Variants in LRRC7 observed in about 807,000 individuals in gnomAD.
LRRC7 encodes the protein leucine-rich repeat-containing protein 7.
A neutral mutation model predicts 175.7 loss-of-function variants in LRRC7; 23 were observed. That is an observed-to-expected ratio of 0.13 (90% CI 0.09 to 0.19). The LOEUF (loss-of-function observed/expected upper bound fraction) is 0.19, where lower values mean the gene tolerates loss of function less well. Ranked by LOEUF, LRRC7 falls within the 10% of genes least tolerant of loss-of-function variation. LRRC7 has a pLI of 1.00. For missense variants in LRRC7, 1,354 were observed against 1,904.7 expected (o/e 0.71, Z 5.38); for synonymous variants, 685 against 680.9 (o/e 1.01, Z -0.09).
rs1005802777 is a variant in LRRC7, at chr1:69,717,844, A to G, written c.100+39366A>G. Among the ~76,000 whole-genome samples, 57 of 44,508 alleles carry G rather than the reference A, an allele frequency of 1.3e-3. 1 individual carries two copies. The East Asian group carries it at 0.016, about 13-fold the overall frequency. The allele number at this position is 44,508 out of a possible 152,430, so 29.2% of individuals were successfully genotyped here. A position where few individuals can be genotyped will look rare whatever the true frequency, so the allele number is the denominator to read the frequency against. ...AAAGAAAGAAAGAAAGAAAGAAAAA[A>G]GAAAGAAAGGAAAGAAAGAAAGAAA... On this transcript the variant is annotated intron_variant, in intron 2 of 26. Transcript: ENST00000651989.
rs1248300608 is a variant in LRRC7 at position 69,737,797 on chromosome 1, C to T, written c.101-22394C>T. Among the ~76,000 whole-genome samples the T allele has an allele frequency of 9.2e-5, 14 of 152,176 alleles. 2 individuals are homozygous for T. The South Asian group carries it at 2.9e-3, about 31-fold the overall frequency. On this transcript the variant is annotated intron_variant, in intron 2 of 26. Transcript: ENST00000651989. ...TGCCATCTTGTGGTTGTGTCTTTTC[C>T]TTGATTGGCTCCAAAATCCTTGAAC...
intron 3 of LRRC7, among the ~76,000 whole-genome samples, chr1:69,782,795 C>G (rs1010790120): frequency 3.9e-5 from 6 of 152,070 alleles, no homozygotes; most frequent in African/African-American, 1.4e-4. Flanking sequence ...TTCTCAGTGG[C>G]CATTAACCTA....
intron 1 of LRRC7, among the ~76,000 whole-genome samples, chr1:69,600,325 G>C (rs574727142): frequency 1.7e-4 from 26 of 152,202 alleles, no homozygotes; most frequent in African/African-American, 5.8e-4. Flanking sequence ...GGATATCCGG[G>C]ATACCACATT....
chr1:69,834,268 T>G (rs1361064992), intron 5 of LRRC7, among the ~76,000 whole-genome samples: 1 of 152,088 alleles, frequency 6.6e-6, no homozygotes, highest in Non-Finnish European at 1.5e-5. Flanking sequence ...ATTAAAGAAA[T>G]TATTAGTTAA....
At chr1:69,967,752 G>A (rs1354195971) in intron 8 of LRRC7, among the ~76,000 whole-genome samples, 3 of 152,088 alleles carry the variant, frequency 2.0e-5, no homozygotes, top group Admixed American at 6.6e-5. Flanking sequence ...AGGGAAAGGA[G>A]GAGAGTACTA....
At chr1:69,901,699 C>T (rs1407974697) in intron 7 of LRRC7, among the ~76,000 whole-genome samples, 1 of 152,152 alleles carries the variant, frequency 6.6e-6, no homozygotes, top group Admixed American at 6.5e-5. Flanking sequence ...CTTTGATCTC[C>T]TTCATATTGC....
At chr1:70,021,152 CCT>C in intron 16 of LRRC7, 23 bp downstream of exon 16, 1 of 1,601,428 alleles carries the variant, frequency 6.2e-7, no homozygotes, top group Non-Finnish European at 8.5e-7. Context: ...GCTTTTGTTT[CCT>C]CTTTCTTCTC....
chr1:69,837,718 T>C (rs184412954), intron 6 of LRRC7, among the ~76,000 whole-genome samples: 2 of 151,840 alleles, frequency 1.3e-5, no homozygotes, highest in African/African-American at 4.8e-5. Context: ...ATAAAACATA[T>C]GAAATTTAGA....
rs76459953 is a variant in LRRC7 at position 70,071,654 on chromosome 1, A to G, written c.4231-4423A>G. On this transcript the variant is annotated intron_variant, in intron 23 of 26. Transcript: ENST00000651989. Reference sequence around the variant, plus strand: ...ATCCTTTGGAGATGATTCTGCTTCCAGACATTTTAAGAACTCTTTTGGATT... The same window carrying G: ...ATCCTTTGGAGATGATTCTGCTTCCGGACATTTTAAGAACTCTTTTGGATT... Among the ~76,000 whole-genome samples the G allele has an allele frequency of 1.3e-3, 199 of 152,324 alleles. 5 individuals carry two copies. The East Asian group carries it at 0.029, about 22-fold the overall frequency.
chr1:69,873,068 G>A (rs139265931), intron 7 of LRRC7, among the ~76,000 whole-genome samples: 8 of 152,184 alleles, frequency 5.3e-5, no homozygotes, highest in Non-Finnish European at 1.0e-4. Flanking sequence ...AACAGTATGC[G>A]TTAATCATGC....
At chr1:69,904,247 C>A (rs1039902236) in intron 7 of LRRC7, among the ~76,000 whole-genome samples, 5 of 151,956 alleles carry the variant, frequency 3.3e-5, no homozygotes, top group African/African-American at 1.2e-4. Flanking sequence ...TAAGAAGAAA[C>A]AACTTACAGA....
chr1:69,823,207 CT>C (rs1679504552), intron 4 of LRRC7, among the ~76,000 whole-genome samples: 1 of 152,086 alleles, frequency 6.6e-6, no homozygotes, highest in Non-Finnish European at 1.5e-5. Flanking sequence ...CTGAAATATT[CT>C]TGAATTGTTC....
At position 70,124,570 on chromosome 1, in the gene LRRC7, T is replaced by A. The variant is rs1054100697; in HGVS notation, c.*2683T>A. Among the ~76,000 whole-genome samples the A allele has an allele frequency of 1.3e-5, 2 of 152,078 alleles. No homozygotes were observed. Among genetic ancestry groups the A allele is most frequent in the African/African-American group, 4.8e-5 (2 of 41,412 alleles). On this transcript the variant is annotated 3_prime_UTR_variant, in exon 27 of 27. Transcript: ENST00000651989. Reference sequence around the variant, plus strand: ...TTATTTAAGTAGAAAAGAGGCAATTTTTTTTAGGTTGACTGAATAGAATCA... The same window carrying A: ...TTATTTAAGTAGAAAAGAGGCAATTATTTTTAGGTTGACTGAATAGAATCA...
chr1:69,955,444 G>A (rs1210317257), intron 8 of LRRC7, among the ~76,000 whole-genome samples: 1 of 151,944 alleles, frequency 6.6e-6, no homozygotes, highest in Non-Finnish European at 1.5e-5. Context: ...GAGGCAGCAG[G>A]AAAGAGCATA....
intron 7 of LRRC7, among the ~76,000 whole-genome samples, chr1:69,879,230 A>AAAAC (rs1553167678): frequency 6.8e-6 from 1 of 146,950 alleles, no homozygotes; most frequent in East Asian, 2.0e-4. Flanking sequence ...AAAAAAAAAA[A>AAAAC]AAAAAAGACT....
At chr1:69,776,545 G>T (rs990878302) in intron 3 of LRRC7, among the ~76,000 whole-genome samples, 1 of 152,130 alleles carries the variant, frequency 6.6e-6, no homozygotes, top group African/African-American at 2.4e-5. Flanking sequence ...GCAATTTGTT[G>T]TTTCTATAAC....
chr1:69,601,869 C>T (rs566336862), intron 1 of LRRC7, among the ~76,000 whole-genome samples: 13 of 151,996 alleles, frequency 8.6e-5, no homozygotes, highest in Non-Finnish European at 1.5e-4. Flanking sequence ...ATTTTTTGCA[C>T]CCTGCTGCTT....
At chr1:69,916,316 T>C (rs1646716179) in intron 7 of LRRC7, among the ~76,000 whole-genome samples, 1 of 140,598 alleles carries the variant, frequency 7.1e-6, no homozygotes, top group Non-Finnish European at 1.5e-5. Flanking sequence ...TATATATATA[T>C]AGTTTTGTTG....
chr1:69,722,428 T>C (rs559626898), intron 2 of LRRC7, among the ~76,000 whole-genome samples: 1 of 152,158 alleles, frequency 6.6e-6, no homozygotes, highest in South Asian at 2.1e-4. Context: ...TGTACAATGG[T>C]ATGCCTTTTT....
Sources: allele counts gnomAD v4.1 joint callset (sites outside exome capture counted in the v4.1 genomes callset), GRCh38; gene constraint gnomAD v4.1.1; transcripts MANE v1.5; gene names NCBI Gene and HGNC (gene_info 2026-07-23, HGNC 2026-07-21).